Variants in RBFOX1 observed in about 807,000 individuals in gnomAD.
RBFOX1 encodes RNA binding protein fox-1 homolog 1.
A neutral mutation model predicts 57.7 loss-of-function variants in RBFOX1; 8 were observed. The ratio of observed to expected loss-of-function variants is 0.14; its 90% CI spans 0.08 to 0.25. RBFOX1 has a LOEUF of 0.25. Among genes scored for constraint, RBFOX1 ranks in the 10% least tolerant of loss-of-function variants. RBFOX1 has a pLI of 1.00. For missense variants in RBFOX1, 611 were observed against 548.5 expected (o/e 1.11, Z -1.14); for synonymous variants, 326 against 222.4 (o/e 1.47, Z -4.15).
At chr16:6,986,658 T>C (rs2090352943) in intron 3 of RBFOX1, among the ~76,000 whole-genome samples, 1 of 152,178 alleles carries the variant, frequency 6.6e-6, no homozygotes, top group African/African-American at 2.4e-5. Context: ...CTCCCTCTTT[T>C]CCTTCCCTTC....
At chr16:7,457,107 G>A (rs745912063) in intron 4 of RBFOX1, among the ~76,000 whole-genome samples, 20 of 152,000 alleles carry the variant, frequency 1.3e-4, no homozygotes, top group East Asian at 3.9e-4. Context: ...GGCTGGTCTC[G>A]AACTCCTGAC....
intron 4 of RBFOX1, among the ~76,000 whole-genome samples, chr16:7,326,432 G>A (rs569864024): frequency 3.4e-4 from 52 of 152,206 alleles, no homozygotes; most frequent in Non-Finnish European, 5.6e-4. Flanking sequence ...ATGGAAGCTC[G>A]AACAGCAACA....
At chr16:6,432,220 G>C (rs2153007342) in intron 2 of RBFOX1, among the ~76,000 whole-genome samples, 1 of 152,076 alleles carries the variant, frequency 6.6e-6, no homozygotes, top group East Asian at 1.9e-4. Flanking sequence ...CCTCCCACCT[G>C]GGCTTCCCAA....
chr16:5,943,041 C>T (rs776285290), intron 4 of RBFOX1, among the ~76,000 whole-genome samples: 20 of 152,148 alleles, frequency 1.3e-4, no homozygotes, highest in Non-Finnish European at 2.2e-4. Context: ...GGGCCATGAC[C>T]CCACTGTTCT....
intron 2 of RBFOX1, among the ~76,000 whole-genome samples, chr16:6,491,772 G>A (rs572397925): frequency 2.6e-4 from 40 of 152,174 alleles, no homozygotes; most frequent in Non-Finnish European, 5.1e-4. Context: ...GACTAAAAGG[G>A]CTGCTAATCA....
At chr16:6,394,916 G>A (rs1241657040) in intron 2 of RBFOX1, among the ~76,000 whole-genome samples, 2 of 152,156 alleles carry the variant, frequency 1.3e-5, no homozygotes, top group African/African-American at 2.4e-5. Context: ...GCGTGTTACT[G>A]TTTAAAACCA....
At chr16:6,407,690 T>C (rs947989597) in intron 2 of RBFOX1, among the ~76,000 whole-genome samples, 1 of 152,048 alleles carries the variant, frequency 6.6e-6, no homozygotes, top group Non-Finnish European at 1.5e-5. Context: ...TAAACAAAAA[T>C]ATCTTGAATG....
rs139885656 is a variant in RBFOX1 at position 7,092,748 on chromosome 16, CAG to C, written c.27+40653_27+40654del. 5.4e-3 allele frequency among the ~76,000 whole-genome samples: 815 copies of C among 152,162 alleles called. 4 individuals carry two copies. Among genetic ancestry groups the C allele is most frequent in the Non-Finnish European group, 8.9e-3 (602 of 68,020 alleles). On this transcript the variant is annotated intron_variant, in intron 4 of 15. Transcript: ENST00000550418. ...GTTAAAAGGTATGAAGAGCTGAAAA[CAG>C]AGGATTGCTTGTTAATATTAATCAC...
chr16:7,602,963 T>G (rs936805732), intron 9 of RBFOX1, among the ~76,000 whole-genome samples: 2 of 152,116 alleles, frequency 1.3e-5, no homozygotes, highest in African/African-American at 4.8e-5. Context: ...TACATGGAAA[T>G]TCAACAGTGT....
chr16:5,958,700 G>T (rs576530544), intron 4 of RBFOX1, among the ~76,000 whole-genome samples: 1 of 152,324 alleles, frequency 6.6e-6, no homozygotes, highest in East Asian at 1.9e-4. Flanking sequence ...ATGCAGACCT[G>T]TGGGGTTAAA....
At chr16:5,921,745 A>C (rs898033808) in intron 4 of RBFOX1, among the ~76,000 whole-genome samples, 1 of 152,010 alleles carries the variant, frequency 6.6e-6, no homozygotes, top group Non-Finnish European at 1.5e-5. Context: ...GCTGCTGGGG[A>C]GGCCTCAGGA....
chr16:6,001,002 C>T (rs565193216), intron 4 of RBFOX1, among the ~76,000 whole-genome samples: 9 of 150,312 alleles, frequency 6.0e-5, no homozygotes, highest in South Asian at 2.1e-4. Context: ...GGTGGATTGA[C>T]GGATGAGTAG....
At chr16:6,479,944 G>C (rs1056975657) in intron 2 of RBFOX1, among the ~76,000 whole-genome samples, 1 of 151,824 alleles carries the variant, frequency 6.6e-6, no homozygotes, top group East Asian at 1.9e-4. Flanking sequence ...TCAGCTACTC[G>C]GGAGGCTGAG....
chr16:5,647,546 G>T (rs543910403), intron 3 of RBFOX1, among the ~76,000 whole-genome samples: 1 of 152,170 alleles, frequency 6.6e-6, no homozygotes, highest in Non-Finnish European at 1.5e-5. Context: ...GCAAATGTTA[G>T]TCTCTGTCCC....
At chr16:6,072,766 G>A (rs373339048) in intron 1 of RBFOX1, among the ~76,000 whole-genome samples, 142 of 151,956 alleles carry the variant, frequency 9.3e-4, no homozygotes, top group African/African-American at 3.2e-3. Context: ...TTTGTTAAGT[G>A]TTCTTAACCA....
chr16:7,220,596 A>T (rs1218695253), intron 4 of RBFOX1, among the ~76,000 whole-genome samples: 8 of 152,174 alleles, frequency 5.3e-5, no homozygotes, highest in Admixed American at 1.3e-4. Context: ...TCTGTTGTGC[A>T]GGTATCATTG....
At chr16:7,482,285 C>T (rs764024976) in intron 4 of RBFOX1, among the ~76,000 whole-genome samples, 3 of 152,184 alleles carry the variant, frequency 2.0e-5, no homozygotes, top group East Asian at 1.9e-4. Flanking sequence ...ATTCTATCTT[C>T]GCAGTAACTC....
At chr16:5,325,469 GT>G (rs936775090) in intron 1 of RBFOX1, among the ~76,000 whole-genome samples, 3 of 152,176 alleles carry the variant, frequency 2.0e-5, no homozygotes, top group African/African-American at 7.2e-5. Context: ...TAAAATTGCC[GT>G]TTTTTGGATG....
intron 4 of RBFOX1, among the ~76,000 whole-genome samples, chr16:7,189,042 G>T (rs992265529): frequency 6.6e-6 from 1 of 152,020 alleles, no homozygotes; most frequent in Non-Finnish European, 1.5e-5. Flanking sequence ...GAGGTGATAC[G>T]GAGTGATTTC....
Sources: gnomAD v4.1 joint callset for allele counts (sites outside exome capture counted in the v4.1 genomes callset) on GRCh38, gnomAD v4.1.1 for gene constraint, MANE v1.5 for transcripts, NCBI Gene and HGNC (gene_info 2026-07-23, HGNC 2026-07-21) for gene names.